Variants in ZNF100 observed in about 807,000 individuals in gnomAD.
ZNF100 encodes the protein zinc finger protein 100, also known as zinc finger protein 100 (Y1).
A neutral mutation model predicts 15.8 loss-of-function variants in ZNF100; 12 were observed. The observed-to-expected ratio is 0.76, with a 90% CI of 0.49 to 1.23. The LOEUF is 1.23. Ranked by LOEUF, ZNF100 falls within the 50% of genes most tolerant of loss-of-function variation. The pLI, the probability that ZNF100 is intolerant of heterozygous loss-of-function variation, is 0.00. For missense variants in ZNF100, 670 were observed against 635.6 expected, an observed-to-expected ratio of 1.05 and a Z score of -0.58; for synonymous variants, 226 against 214.8, an observed-to-expected ratio of 1.05 and a Z score of -0.45.
intron 2 of ZNF100, among the ~76,000 whole-genome samples, chr19:21,758,840 T>G (rs1210680223): frequency 6.6e-6 from 1 of 152,138 alleles, no homozygotes; most frequent in Non-Finnish European, 1.5e-5. Context: ...TCATCCTCTC[T>G]TACCCTAGAA....
chr19:21,765,852 A>T, intron 1 of ZNF100, 66 bp from the exon 2 acceptor site: 3 of 1,501,050 alleles, frequency 2.0e-6, no homozygotes, highest in South Asian at 1.1e-5. Context: ...ACCATGGCGG[A>T]TATCTCGGTT....
intron 4 of ZNF100, 76 bp downstream of exon 4, chr19:21,743,941 A>C (rs1379807241): frequency 1.4e-6 from 2 of 1,415,194 alleles, no homozygotes; most frequent in Non-Finnish European, 1.9e-6. Context: ...TTCCCAAACC[A>C]CATTTTAATG....
intron 4 of ZNF100, among the ~76,000 whole-genome samples, chr19:21,741,862 G>A (rs535716779): frequency 1.3e-5 from 2 of 152,120 alleles, no homozygotes; most frequent in Admixed American, 6.6e-5. Context: ...TAATTTTGTG[G>A]AAAGGGAATC....
At position 21,744,124 on chromosome 19, in the gene ZNF100, G is replaced by A. The variant is rs765191227; in HGVS notation, c.224-9C>T. Reference sequence around the variant, plus strand: ...AGTGAGAGCAATACCTGCTTTATTAGAAATAAATAACATGAATCTTTCTCA... The same window carrying A: ...AGTGAGAGCAATACCTGCTTTATTAAAAATAAATAACATGAATCTTTCTCA... On this transcript the variant is annotated splice_polypyrimidine_tract_variant and intron_variant, in intron 3 of 4. Transcript: ENST00000358296. 73 of 1,585,226 alleles carry A rather than the reference G, an allele frequency of 4.6e-5. No individual in the cohort carries two copies. Among genetic ancestry groups the A allele is most frequent in the Middle Eastern group, 1.7e-4 (1 of 5,948 alleles).
intron 1 of ZNF100, among the ~76,000 whole-genome samples, chr19:21,767,110 G>A (rs2036576640): frequency 6.6e-6 from 1 of 152,176 alleles, no homozygotes; most frequent in African/African-American, 2.4e-5. Context: ...CCCGCACCCC[G>A]AGTCAGGATT....
intron 4 of ZNF100, among the ~76,000 whole-genome samples, chr19:21,731,853 T>C (rs545899347): frequency 1.1e-4 from 16 of 152,202 alleles, no homozygotes; most frequent in African/African-American, 3.9e-4. Flanking sequence ...ATCAGACAAA[T>C]TGGTTGTTGT....
intron 2 of ZNF100, among the ~76,000 whole-genome samples, chr19:21,748,264 C>T (rs903032502): frequency 9.9e-5 from 15 of 152,074 alleles, no homozygotes; most frequent in Admixed American, 2.0e-4. Context: ...AAGGATTTAC[C>T]GGCCAAAACT....
intron 2 of ZNF100, 128 bp from the exon 3 acceptor site, chr19:21,745,195 T>G: frequency 1.4e-6 from 2 of 1,402,856 alleles, no homozygotes; most frequent in African/African-American, 2.9e-5. Flanking sequence ...TGACAAATTT[T>G]CCAATAATTT....
chr19:21,763,369 G>A (rs140919297), intron 2 of ZNF100, among the ~76,000 whole-genome samples: 51 of 152,170 alleles, frequency 3.4e-4, no homozygotes, highest in African/African-American at 1.1e-3. Flanking sequence ...GACCGAGGTG[G>A]GCAGATCACA....
chr19:21,725,842 T>G lies in ZNF100; in HGVS notation c.*841A>C, dbSNP rs2035771295. ...ACCTGAAGCATCAGTGCCTTACATA[T>G]TTCTACTGTAAATTCTCTGATATTT... On this transcript the variant is annotated 3_prime_UTR_variant, in exon 5 of 5. Transcript: ENST00000358296. 1 of 151,766 alleles carries G rather than the reference T, an allele frequency of 6.6e-6. No individual in the cohort carries two copies. Among genetic ancestry groups the G allele is most frequent in the African/African-American group, 2.4e-5 (1 of 41,184 alleles). The allele number at this position is 151,766 out of a possible 1,614,324, so 9.4% of individuals were successfully genotyped here.
At chr19:21,731,888 T>C (rs947172597) in intron 4 of ZNF100, among the ~76,000 whole-genome samples, 1 of 152,172 alleles carries the variant, frequency 6.6e-6, no homozygotes. Flanking sequence ...CTTTGCAAGA[T>C]AAAACATTCT....
intron 4 of ZNF100, among the ~76,000 whole-genome samples, chr19:21,732,797 A>C (rs2035943048): frequency 6.6e-6 from 1 of 152,058 alleles, no homozygotes; most frequent in Admixed American, 6.6e-5. Flanking sequence ...AGAACTTCCC[A>C]AATTTTTATG....
chr19:21,724,795 T>G lies in ZNF100; in HGVS notation c.*1888A>C, dbSNP rs1255161304. The G allele has an allele frequency of 6.6e-6, 1 of 152,184 alleles. No individual in the cohort carries two copies. The highest frequency in any genetic ancestry group is 2.4e-5 in the African/African-American group (1 of 41,456). The allele number at this position is 152,184 out of a possible 1,614,324, so 9.4% of individuals were successfully genotyped here. ...GGCTGGGCACGGTGGCTCATGCCTG[T>G]AATCCCAGAACTTTGGGAAGCCGAG... is the stretch of plus-strand genomic sequence containing the variant. On this transcript the variant is annotated 3_prime_UTR_variant, in exon 5 of 5. Transcript: ENST00000358296.
chr19:21,745,731 C>T (rs979989319), intron 2 of ZNF100, among the ~76,000 whole-genome samples: 1 of 151,958 alleles, frequency 6.6e-6, no homozygotes, highest in African/African-American at 2.4e-5. Flanking sequence ...ACCTTGTTAG[C>T]CAGGATGGTC....
chr19:21,742,376 C>CTTTTTT (rs59997375), intron 4 of ZNF100, among the ~76,000 whole-genome samples: 2 of 86,134 alleles, frequency 2.3e-5, no homozygotes, highest in African/African-American at 4.0e-5. Flanking sequence ...TTTTCTTTTT[C>CTTTTTT]TTTTTTTTTT....
chr19:21,727,850 C>G lies in ZNF100; in HGVS notation c.462G>C (p.Glu154Asp), dbSNP rs759191886. ...TATCATGTTCTTTGTGCACTTTACA[C>G]TCATCCACACTTTTACAGCCTTTTT... is the stretch of plus-strand genomic sequence containing the variant. ...QLQKGCKSVD[E>D]CKVHKEHDNK... is the part of the protein sequence containing the mutation. Residue 154 changes from glutamate to aspartate, a missense_variant, in exon 5 of 5, where the codon GAG becomes GAC. Physicochemically the swap from Glu to Asp is conservative, Grantham distance 45 (BLOSUM62 2). Coordinates refer to ENST00000358296, the MANE Select transcript of ZNF100 (RefSeq NM_173531.4). 6.2e-7 allele frequency: 1 copy of G among 1,612,294 alleles called. No homozygotes were observed. The highest frequency in any genetic ancestry group is 8.5e-7 in the Non-Finnish European group (1 of 1,179,354).
At chr19:21,738,917 C>A (rs1416052458) in intron 4 of ZNF100, among the ~76,000 whole-genome samples, 1 of 152,050 alleles carries the variant, frequency 6.6e-6, no homozygotes, top group African/African-American at 2.4e-5. Context: ...TGCACTCCAG[C>A]CTAGACTACA....
intron 4 of ZNF100, among the ~76,000 whole-genome samples, chr19:21,731,324 T>C (rs1235454827): frequency 3.3e-5 from 5 of 151,218 alleles, no homozygotes; most frequent in African/African-American, 1.2e-4. Context: ...TTTTTTATTT[T>C]TTGAGATGGA....
chr19:21,748,244 AG>A (rs1476009292), intron 2 of ZNF100, among the ~76,000 whole-genome samples: 4 of 152,224 alleles, frequency 2.6e-5, no homozygotes, highest in Non-Finnish European at 4.4e-5. Context: ...CACCAGCTCT[AG>A]AAAGGCAGAA....
Sources: gnomAD v4.1 joint callset for allele counts (sites outside exome capture counted in the v4.1 genomes callset) on GRCh38, gnomAD v4.1.1 for gene constraint, MANE v1.5 for transcripts, NCBI Gene and HGNC (gene_info 2026-07-23, HGNC 2026-07-21) for gene names.